The following PAX7 variants were observed in gnomAD, a reference collection of about 807,000 sequenced individuals.
The protein encoded by PAX7 is paired box 7.
PAX7 carries 18 observed loss-of-function variants against 50.7 expected under a neutral mutation model. That is an observed-to-expected ratio of 0.36 (90% CI 0.25 to 0.53). The LOEUF is 0.53. PAX7 is among the 20% of genes least tolerant of loss of function. The probability of loss-of-function intolerance (pLI) is 0.93; values close to 1 mark genes in which losing one functional copy is unlikely to be tolerated. For missense variants in PAX7, 644 were observed against 702.9 expected, an observed-to-expected ratio of 0.92 and a Z score of 0.95; for synonymous variants, 310 against 290.4, an observed-to-expected ratio of 1.07 and a Z score of -0.69.
intron 7 of PAX7, among the ~76,000 whole-genome samples, chr1:18,704,420 A>G (rs1412714452): frequency 6.6e-6 from 1 of 152,204 alleles, no homozygotes; most frequent in East Asian, 1.9e-4. Flanking sequence ...CAAGAGTTCG[A>G]GACCAGCCTG....
intron 7 of PAX7, among the ~76,000 whole-genome samples, chr1:18,706,301 C>T (rs577612367): frequency 1.3e-5 from 2 of 152,290 alleles, no homozygotes; most frequent in Non-Finnish European, 2.9e-5. Flanking sequence ...TTCTCTATAG[C>T]TCACCTGGGC....
At chr1:18,711,911 A>T (rs771463598) in intron 7 of PAX7, among the ~76,000 whole-genome samples, 1 of 152,134 alleles carries the variant, frequency 6.6e-6, no homozygotes, top group Non-Finnish European at 1.5e-5. Context: ...TTCTGCACCC[A>T]GGAAGAGCCC....
chr1:18,664,447 G>A (rs2088639569), intron 4 of PAX7, among the ~76,000 whole-genome samples: 2 of 152,204 alleles, frequency 1.3e-5, no homozygotes, highest in African/African-American at 4.8e-5. Flanking sequence ...CACCATGCCT[G>A]GGGAAGGGGA....
Position 18,735,765 on chromosome 1 carries a change from T to C in PAX7, c.1289T>C (p.Ile430Thr). The change falls in exon 8 of 9, where the codon ATC becomes ACC. Residue 430 changes from isoleucine (I) to threonine (T), a missense_variant. Coordinates refer to ENST00000420770, the MANE Select transcript of PAX7 (RefSeq NM_001135254.2). The surrounding 1 kb of genome is among the most constrained non-coding windows in gnomAD (Gnocchi z 4.0). The stretch of plus-strand genomic sequence containing the variant: ...AGCTGCAGCCAGCGGGCCGACTCCA[T>C]CAAGCCAGGAGACAGCCTGCCCACC... Reference protein sequence around the residue: ...SASCSQRADSIKPGDSLPTSQ... With the variant: ...SASCSQRADSTKPGDSLPTSQ... 6.2e-7 allele frequency: 1 copy of C among 1,614,076 alleles called. No homozygotes were observed. The highest frequency in any genetic ancestry group is 8.5e-7 in the Non-Finnish European group (1 of 1,180,006).
intron 4 of PAX7, among the ~76,000 whole-genome samples, chr1:18,650,672 C>T (rs1037463522): frequency 6.6e-6 from 1 of 152,170 alleles, no homozygotes; most frequent in Non-Finnish European, 1.5e-5. Flanking sequence ...TCTCATGCAA[C>T]ACCTTTTTTT....
chr1:18,696,899 G>T (rs543993351), intron 5 of PAX7, among the ~76,000 whole-genome samples: 68 of 152,222 alleles, frequency 4.5e-4, no homozygotes, highest in African/African-American at 1.6e-3. Context: ...ATAACTAAAA[G>T]AATATAATTG....
At chr1:18,655,928 T>C (rs1473893037) in intron 4 of PAX7, among the ~76,000 whole-genome samples, 1 of 152,040 alleles carries the variant, frequency 6.6e-6, no homozygotes, top group African/African-American at 2.4e-5. Flanking sequence ...CATCTGTGTT[T>C]CATCAAAGGC....
chr1:18,693,809 G>A (rs753607739), intron 5 of PAX7, among the ~76,000 whole-genome samples: 3 of 152,188 alleles, frequency 2.0e-5, no homozygotes, highest in Non-Finnish European at 2.9e-5. Context: ...CGGCCACGGC[G>A]GCTTCCCACC....
chr1:18,663,645 G>A (rs141239024), intron 4 of PAX7, among the ~76,000 whole-genome samples: 3,023 of 152,322 alleles, frequency 0.02, 45 homozygotes, highest in Middle Eastern at 0.082. Context: ...GCCTCCCAAA[G>A]TGCTGGGCTT....
chr1:18,657,774 C>A (rs1011220697), intron 4 of PAX7, among the ~76,000 whole-genome samples: 1 of 152,164 alleles, frequency 6.6e-6, no homozygotes, highest in Admixed American at 6.5e-5. Flanking sequence ...CTCTCTCTCT[C>A]CCCTTCCCCT....
intron 7 of PAX7, among the ~76,000 whole-genome samples, chr1:18,724,293 C>A (rs2089529323): frequency 6.6e-6 from 1 of 152,232 alleles, no homozygotes; most frequent in African/African-American, 2.4e-5. Context: ...GGGGCACAGG[C>A]CAGTGGCTAA....
At position 18,748,136 on chromosome 1, in the gene PAX7, ATG is replaced by A. The variant is rs1295657664; in HGVS notation, c.*3208_*3209del. 4 of 219,100 alleles carry A rather than the reference ATG, an allele frequency of 1.8e-5. No individual in the cohort carries two copies. Among genetic ancestry groups the A allele is most frequent in the African/African-American group, 9.0e-5 (4 of 44,612 alleles). The allele number at this position is 219,100 out of a possible 1,614,324, so 13.6% of individuals were successfully genotyped here. Reference sequence around the variant, plus strand: ...GGGGATAAGAGAGAAGAAAAGAAGAATGGAGAGAGAGGTTTGCCCAGAAGGAA... The same window carrying A: ...GGGGATAAGAGAGAAGAAAAGAAGAAGAGAGAGAGGTTTGCCCAGAAGGAA... On this transcript the variant is annotated 3_prime_UTR_variant, in exon 9 of 9. Coordinates refer to ENST00000420770, the MANE Select transcript of PAX7 (RefSeq NM_001135254.2).
At chr1:18,717,138 C>CA (rs1454752068) in intron 7 of PAX7, among the ~76,000 whole-genome samples, 2 of 152,194 alleles carry the variant, frequency 1.3e-5, no homozygotes, top group African/African-American at 4.8e-5. Flanking sequence ...AAGTGATTCC[C>CA]AACAACTGTC....
At chr1:18,637,688 G>T (rs1404073913) in intron 4 of PAX7, among the ~76,000 whole-genome samples, 4 of 152,234 alleles carry the variant, frequency 2.6e-5, no homozygotes, top group Admixed American at 2.0e-4. Context: ...TCCCATCTAC[G>T]CCCAGCCCCC....
At chr1:18,686,096 T>C (rs1298585759) in intron 4 of PAX7, among the ~76,000 whole-genome samples, 2 of 152,246 alleles carry the variant, frequency 1.3e-5, no homozygotes, top group Non-Finnish European at 2.9e-5. Context: ...GTTTTACGTC[T>C]GTCCTGTGCC....
intron 8 of PAX7, among the ~76,000 whole-genome samples, chr1:18,738,589 C>G (rs1930931933): frequency 6.6e-6 from 1 of 151,824 alleles, no homozygotes; most frequent in Non-Finnish European, 1.5e-5. Flanking sequence ...TCTTTCCACT[C>G]CCTTCTCCTC....
At chr1:18,741,147 C>T (rs938668004) in intron 8 of PAX7, among the ~76,000 whole-genome samples, 2 of 152,134 alleles carry the variant, frequency 1.3e-5, no homozygotes, top group African/African-American at 4.8e-5. Flanking sequence ...ATTTGAAACA[C>T]ATAGAAATGA....
At chr1:18,669,684 G>A (rs1033245377) in intron 4 of PAX7, among the ~76,000 whole-genome samples, 1 of 152,210 alleles carries the variant, frequency 6.6e-6, no homozygotes, top group Non-Finnish European at 1.5e-5. Flanking sequence ...GCCTGCCCCA[G>A]ACCTGAGTAC....
chr1:18,725,302 G>GCCCCCCCCCCCCCCC lies in PAX7; in HGVS notation c.1156-10320_1156-10319insCCCCCCCCCCCCCCC, dbSNP rs3216186. Among the ~76,000 whole-genome samples, 17 of 106,342 alleles carry GCCCCCCCCCCCCCCC rather than the reference G, an allele frequency of 1.6e-4. 1 individual carries two copies. The highest frequency in any genetic ancestry group is 2.1e-4 in the Non-Finnish European group (11 of 51,598). 69.8% of individuals were successfully genotyped at this position (106,342 alleles called of 152,430 possible). ...CTCCACCAATTACAGAGGTGGAGACGCCCCCCCCCCGCCCCACCAACACCG... is the reference window on the plus strand; with the variant it reads ...CTCCACCAATTACAGAGGTGGAGACGCCCCCCCCCCCCCCCCCCCCCCCCCGCCCCACCAACACCG... On this transcript the variant is annotated intron_variant, in intron 7 of 8. Coordinates refer to ENST00000420770, the MANE Select transcript of PAX7 (RefSeq NM_001135254.2).
Sources: gnomAD v4.1 joint callset for allele counts (sites outside exome capture counted in the v4.1 genomes callset) on GRCh38, gnomAD v4.1.1 for gene constraint, Gnocchi (gnomAD v3.1) non-coding constraint, MANE v1.5 for transcripts, NCBI Gene and HGNC (gene_info 2026-07-23, HGNC 2026-07-21) for gene names.